The following PFKFB3 variants were observed in gnomAD, a reference collection of about 807,000 sequenced individuals.
The protein encoded by PFKFB3 is 6-phosphofructo-2-kinase/fructose-2,6-bisphosphatase 3.
Under a neutral mutation model 68.0 loss-of-function variants are expected in PFKFB3, and 33 were observed. The observed-to-expected ratio is 0.49, with a 90% confidence interval of 0.37 to 0.65. PFKFB3 has a LOEUF of 0.65. PFKFB3 is among the 30% of genes least tolerant of loss of function. The probability of loss-of-function intolerance (pLI) is 0.00; values close to 1 mark genes in which losing one functional copy is unlikely to be tolerated. For missense variants in PFKFB3, 586 were observed against 712.2 expected (o/e 0.82, Z 2.02); for synonymous variants, 315 against 288.2 (o/e 1.09, Z -0.94).
At chr10:6,321,230 C>CTT in the PFKFB3 span, among the ~76,000 whole-genome samples, 3 of 152,132 alleles carry the variant, frequency 2.0e-5, no homozygotes, top group African/African-American at 4.8e-5. Flanking sequence ...GATTCCGAAA[C>CTT]TTTTTGTTTT....
At chr10:6,174,630 C>T (rs981302217) in intron 1 of PFKFB3, among the ~76,000 whole-genome samples, 5 of 152,204 alleles carry the variant, frequency 3.3e-5, no homozygotes, top group African/African-American at 7.2e-5. Flanking sequence ...CAGTGACTGG[C>T]GCAGGGTGAG....
At chr10:6,243,743 GAC>G (rs1194550466) in intron 14 of PFKFB3, among the ~76,000 whole-genome samples, 1 of 152,102 alleles carries the variant, frequency 6.6e-6, no homozygotes, top group Non-Finnish European at 1.5e-5. Flanking sequence ...TTTTTTCTGA[GAC>G]AGTGTCTTGC....
chr10:6,277,646 G>C, the PFKFB3 span: 1 of 278,356 alleles, frequency 3.6e-6, no homozygotes, highest in African/African-American at 2.3e-5. Flanking sequence ...TCCTGCTCTG[G>C]CCATGTAAGA....
At chr10:6,211,886 G>T (rs1406322493) in intron 1 of PFKFB3, among the ~76,000 whole-genome samples, 1 of 152,240 alleles carries the variant, frequency 6.6e-6, no homozygotes, top group Non-Finnish European at 1.5e-5. Context: ...TGCCATGCCT[G>T]CTTCCCTGCC....
chr10:6,206,572 G>T (rs187857223), intron 1 of PFKFB3, among the ~76,000 whole-genome samples: 2 of 56,234 alleles, frequency 3.6e-5, no homozygotes, highest in African/African-American at 1.3e-4. Context: ...GCGGCTGGCC[G>T]GGCAGGGGCT....
downstream of PFKFB3, among the ~76,000 whole-genome samples, chr10:6,238,550 CTT>C (rs200320262): frequency 1.5e-5 from 2 of 135,036 alleles, no homozygotes; most frequent in Admixed American, 7.3e-5. Context: ...AGAACTAAAT[CTT>C]TTTTTTTTTT....
At chr10:6,319,394 AC>A in the PFKFB3 span, among the ~76,000 whole-genome samples, 1 of 152,358 alleles carries the variant, frequency 6.6e-6, no homozygotes, top group African/African-American at 2.4e-5. Context: ...CTGAAGTGCA[AC>A]AACTCAGAAA....
At position 6,222,991 on chromosome 10, in the gene PFKFB3, C is replaced by G; in HGVS notation, c.1213+7C>G. The G allele has an allele frequency of 1.2e-6, 2 of 1,611,216 alleles. No individual in the cohort carries two copies. The highest frequency in any genetic ancestry group is 8.5e-7 in the Non-Finnish European group (1 of 1,178,290). ...TTCCTGGATAAGAGTGCAGGTACCT[C>G]GGGCAGGTCGTGGCCCCGGGATGGA... is the stretch of plus-strand genomic sequence containing the variant. On this transcript the variant is annotated splice_region_variant and intron_variant, in intron 11 of 14. Coordinates refer to ENST00000379775, the MANE Select transcript of PFKFB3 (RefSeq NM_004566.4).
chr10:6,210,583 A>C (rs866708337), intron 1 of PFKFB3, among the ~76,000 whole-genome samples: 1 of 35,324 alleles, frequency 2.8e-5, no homozygotes, highest in East Asian at 3.8e-4. Flanking sequence ...TAGTCTTGAT[A>C]GTGTTTTTAA....
intron 1 of PFKFB3, among the ~76,000 whole-genome samples, chr10:6,194,575 A>G (rs902001201): frequency 1.3e-5 from 2 of 152,296 alleles, no homozygotes; most frequent in South Asian, 2.1e-4. Context: ...AGGAAGATCA[A>G]CTCAGCTTAG....
At chr10:6,261,091 C>T in the PFKFB3 span, among the ~76,000 whole-genome samples, 3 of 152,208 alleles carry the variant, frequency 2.0e-5, no homozygotes, top group South Asian at 2.1e-4. Context: ...TCTGATGGTA[C>T]GTAGTGGTGG....
intron 1 of PFKFB3, among the ~76,000 whole-genome samples, chr10:6,207,894 A>T (rs995729658): frequency 6.6e-6 from 1 of 152,092 alleles, no homozygotes; most frequent in African/African-American, 2.4e-5. Context: ...GTTCATCGTC[A>T]CTAAAATTCA....
chr10:6,299,726 C>T, the PFKFB3 span, among the ~76,000 whole-genome samples: 2 of 152,180 alleles, frequency 1.3e-5, no homozygotes, highest in African/African-American at 4.8e-5. Flanking sequence ...CCCTTACCTC[C>T]AACCTTGCTC....
At chr10:6,317,720 T>C in the PFKFB3 span, among the ~76,000 whole-genome samples, 1 of 152,118 alleles carries the variant, frequency 6.6e-6, no homozygotes, top group Non-Finnish European at 1.5e-5. Flanking sequence ...CTCACCTTCT[T>C]CCATAAAGAA....
chr10:6,226,394 T>C (rs758011242), intron 14 of PFKFB3, 29 bp downstream of exon 14: 2 of 1,574,988 alleles, frequency 1.3e-6, no homozygotes, highest in Admixed American at 3.8e-5. Flanking sequence ...CCTTCCTGCC[T>C]GGGGGACGCA....
At chr10:6,193,720 A>G (rs1588451001) in intron 1 of PFKFB3, among the ~76,000 whole-genome samples, 1 of 152,238 alleles carries the variant, frequency 6.6e-6, no homozygotes, top group South Asian at 2.1e-4. Flanking sequence ...TAGGCGGTGG[A>G]GTTAAGAGCA....
At chr10:6,177,438 C>CTCTTTCTTTCTT (rs60272376) in intron 1 of PFKFB3, among the ~76,000 whole-genome samples, 16,149 of 86,484 alleles carry the variant, frequency 0.19, 2,085 homozygotes, top group Non-Finnish European at 0.2. Flanking sequence ...TCTTTTCTTT[C>CTCTTTCTTTCTT]TCTTTCTTTC....
At chr10:6,150,564 T>C (rs892499089) in intron 1 of PFKFB3, among the ~76,000 whole-genome samples, 3 of 151,930 alleles carry the variant, frequency 2.0e-5, no homozygotes, top group Non-Finnish European at 4.4e-5. Context: ...GCGGAGGTTG[T>C]GGTGAGCTGA....
intron 1 of PFKFB3, among the ~76,000 whole-genome samples, chr10:6,168,833 A>G (rs1382210821): frequency 6.6e-6 from 1 of 152,198 alleles, no homozygotes; most frequent in African/African-American, 2.4e-5. Flanking sequence ...AGGCAGCCCC[A>G]GTGGTCTGAC....
Sources: gnomAD v4.1 joint callset for allele counts (sites outside exome capture counted in the v4.1 genomes callset) on GRCh38, gnomAD v4.1.1 for gene constraint, MANE v1.5 for transcripts, NCBI Gene and HGNC (gene_info 2026-07-23, HGNC 2026-07-21) for gene names.